Variants in SAMSN1 observed in about 807,000 individuals in gnomAD.
SAMSN1 encodes the protein SAM domain-containing protein SAMSN-1.
Under a neutral mutation model 42.0 loss-of-function variants are expected in SAMSN1, and 31 were observed. That is an observed-to-expected ratio of 0.74 (90% CI 0.55 to 1.00). The LOEUF is 1.00. Ranked by LOEUF, SAMSN1 falls within the 50% of genes least tolerant of loss-of-function variation. The pLI, the probability that SAMSN1 is intolerant of heterozygous loss-of-function variation, is 0.00. For missense variants in SAMSN1, 464 were observed against 439.4 expected, an observed-to-expected ratio of 1.06 and a Z score of -0.50; for synonymous variants, 178 against 151.9, an observed-to-expected ratio of 1.17 and a Z score of -1.26.
intron 3 of SAMSN1, among the ~76,000 whole-genome samples, chr21:14,516,583 G>C (rs1987929876): frequency 1.3e-5 from 2 of 152,006 alleles, no homozygotes; most frequent in African/African-American, 4.8e-5. Flanking sequence ...GTAGAGACGG[G>C]GTTTCACCAT....
chr21:14,631,628 G>A (rs1453059236), intron 2 of SAMSN1, among the ~76,000 whole-genome samples: 1 of 152,128 alleles, frequency 6.6e-6, no homozygotes, highest in Non-Finnish European at 1.5e-5. Flanking sequence ...ACCTCCCAAA[G>A]TGCTGGGATT....
intron 2 of SAMSN1, among the ~76,000 whole-genome samples, chr21:14,569,261 G>A (rs1315738008): frequency 2.0e-5 from 3 of 152,164 alleles, no homozygotes; most frequent in Non-Finnish European, 4.4e-5. Flanking sequence ...CACTACTGCA[G>A]TGCAGCCTGG....
intron 2 of SAMSN1, among the ~76,000 whole-genome samples, chr21:14,517,908 C>T (rs1396521353): frequency 6.6e-6 from 1 of 152,184 alleles, no homozygotes; most frequent in East Asian, 1.9e-4. Flanking sequence ...GTCTCCCTCG[C>T]TCACTAGATC....
upstream of SAMSN1, among the ~76,000 whole-genome samples, chr21:14,584,239 A>G (rs186956119): frequency 6.6e-6 from 1 of 152,312 alleles, no homozygotes; most frequent in Admixed American, 6.5e-5. Flanking sequence ...TCTTTTTGGA[A>G]ATTTGTGGAC....
chr21:14,538,063 G>T (rs1979746372), intron 1 of SAMSN1, among the ~76,000 whole-genome samples: 1 of 152,128 alleles, frequency 6.6e-6, no homozygotes, highest in South Asian at 2.1e-4. Context: ...TTTTTAAAAT[G>T]CTATAAATGC....
intron 2 of SAMSN1, among the ~76,000 whole-genome samples, chr21:14,560,206 AT>A (rs1980901645): frequency 6.6e-6 from 1 of 152,222 alleles, no homozygotes; most frequent in African/African-American, 2.4e-5. Flanking sequence ...TTGAGAAAAC[AT>A]TTAGTGAAAC....
In SAMSN1 at chr21:14,530,098, C is replaced by T. The variant is rs138701758; in HGVS notation, c.58-8877G>A. Among the ~76,000 whole-genome samples the T allele has an allele frequency of 9.6e-3, 1,468 of 152,210 alleles. 9 individuals carry two copies. Among genetic ancestry groups the T allele is most frequent in the South Asian group, 0.031 (149 of 4,824 alleles). On this transcript the variant is annotated intron_variant, in intron 1 of 7. Transcript: ENST00000400566. The stretch of plus-strand genomic sequence containing the variant: ...TTGGGAGGCCAAGGCAGGCGGATCA[C>T]GAGGTCAGGAGATCCAGACCACCCT...
At chr21:14,565,132 T>C (rs754397284) in intron 2 of SAMSN1, among the ~76,000 whole-genome samples, 22 of 151,446 alleles carry the variant, frequency 1.5e-4, no homozygotes, top group Non-Finnish European at 2.4e-4. Flanking sequence ...CCATCTCTAC[T>C]TAAAAATACA....
intron 2 of SAMSN1, 107 bp from the exon 3 acceptor site, chr21:14,517,148 T>G: frequency 9.5e-7 from 1 of 1,054,476 alleles, no homozygotes; most frequent in Admixed American, 2.8e-5. Context: ...TTGCATGCAT[T>G]CTGTGCAGCA....
chr21:14,584,363 C>G (rs1290109057), upstream of SAMSN1, among the ~76,000 whole-genome samples: 1 of 152,116 alleles, frequency 6.6e-6, no homozygotes, highest in African/African-American at 2.4e-5. Flanking sequence ...CCACAGCATA[C>G]CACATCATGT....
At chr21:14,563,583 G>A (rs1363581183) in intron 2 of SAMSN1, among the ~76,000 whole-genome samples, 10 of 152,170 alleles carry the variant, frequency 6.6e-5, no homozygotes, top group Admixed American at 6.6e-4. Flanking sequence ...ACTGGGTCTA[G>A]AGCCCAAGTG....
chr21:14,633,349 G>A lies in SAMSN1; in HGVS notation c.156+9653C>T, dbSNP rs139853383. 4.2e-3 allele frequency among the ~76,000 whole-genome samples: 640 copies of A among 152,232 alleles called. 16 individuals carry two copies. Among genetic ancestry groups the A allele is most frequent in the Admixed American group, 0.036 (546 of 15,290 alleles). Reference sequence around the variant, plus strand: ...AAGGAAAGTAATAGAGTTTAATGTTGGACAACGCTCCACTCCAGAAAAATC... The same window carrying A: ...AAGGAAAGTAATAGAGTTTAATGTTAGACAACGCTCCACTCCAGAAAAATC... On this transcript the variant is annotated intron_variant, in intron 2 of 15. Transcript: ENST00000647101.
At chr21:14,614,948 C>T (rs529242934) in intron 3 of SAMSN1, among the ~76,000 whole-genome samples, 22 of 152,320 alleles carry the variant, frequency 1.4e-4, no homozygotes, top group African/African-American at 5.1e-4. Context: ...CAGACACTTT[C>T]CCTTTAATTC....
At chr21:14,536,971 C>G (rs1458050923) in intron 1 of SAMSN1, among the ~76,000 whole-genome samples, 1 of 152,206 alleles carries the variant, frequency 6.6e-6, no homozygotes, top group Non-Finnish European at 1.5e-5. Flanking sequence ...CACAGTTATC[C>G]CTTGCCTGGT....
intron 1 of SAMSN1, among the ~76,000 whole-genome samples, chr21:14,535,913 C>A (rs1366154654): frequency 6.6e-6 from 1 of 152,192 alleles, no homozygotes; most frequent in East Asian, 1.9e-4. Context: ...TTTGTTATGG[C>A]AGCTCTAGCA....
chr21:14,630,555 T>C (rs187352155), intron 2 of SAMSN1, among the ~76,000 whole-genome samples: 2 of 152,230 alleles, frequency 1.3e-5, no homozygotes, highest in African/African-American at 4.8e-5. Context: ...ACGAAACCAA[T>C]TAAAACTACC....
intron 1 of SAMSN1, among the ~76,000 whole-genome samples, chr21:14,657,007 C>G (rs1375413629): frequency 2.0e-5 from 3 of 151,556 alleles, no homozygotes; most frequent in Non-Finnish European, 4.4e-5. Flanking sequence ...ATTCCTACAG[C>G]CATGGATAAA....
At chr21:14,605,283 G>A (rs2822806) in intron 5 of SAMSN1, among the ~76,000 whole-genome samples, 4,773 of 152,270 alleles carry the variant, frequency 0.031, 243 homozygotes, top group African/African-American at 0.11. Flanking sequence ...TGGTCTCATC[G>A]TTGAATTCAG....
intron 2 of SAMSN1, among the ~76,000 whole-genome samples, chr21:14,576,386 C>G (rs1429624380): frequency 6.6e-6 from 1 of 152,124 alleles, no homozygotes; most frequent in East Asian, 1.9e-4. Context: ...AGGACAGGCA[C>G]AGACAGCTTA....
Sources: gnomAD v4.1 joint callset for allele counts (sites outside exome capture counted in the v4.1 genomes callset) on GRCh38, gnomAD v4.1.1 for gene constraint, MANE v1.5 for transcripts, NCBI Gene and HGNC (gene_info 2026-07-23, HGNC 2026-07-21) for gene names.